Variants in SPATA33 observed in about 807,000 individuals in gnomAD.
SPATA33 encodes the protein spermatogenesis-associated protein 33.
SPATA33 carries 10 observed loss-of-function variants against 8.9 expected under a neutral mutation model. The ratio of observed to expected loss-of-function variants is 1.12; its 90% CI spans 0.69 to 1.90. The LOEUF (loss-of-function observed/expected upper bound fraction) is 1.90. SPATA33 is among the 40% of genes most tolerant of loss of function. The pLI is 0.00. For synonymous variants in SPATA33, 96 were observed against 72.8 expected (o/e 1.32, Z -1.63); for missense variants, 241 against 178.3 (o/e 1.35, Z -2.00).
At chr16:89,665,737 A>G (rs907942316) in intron 2 of SPATA33, among the ~76,000 whole-genome samples, 5 of 152,322 alleles carry the variant, frequency 3.3e-5, no homozygotes, top group East Asian at 1.9e-4. Flanking sequence ...AAGTCAAAAC[A>G]CAAAAGATCT....
chr16:89,659,872 T>C lies in SPATA33; in HGVS notation c.211+1451T>C, dbSNP rs555134724. On this transcript the variant is annotated intron_variant, in intron 2 of 2. Transcript: ENST00000579310. ...CTTGGAAGAAAGACTTGGATTTGAA[T>C]TCCCAACTTTGGAACCTCCCACTGG... 8 of 152,368 alleles carry C rather than the reference T, an allele frequency of 5.3e-5. No homozygotes were observed. The South Asian group carries it at 1.5e-3, about 28-fold the overall frequency. 9.4% of individuals were successfully genotyped at this position (152,368 alleles called of 1,614,324 possible). A position where few individuals can be genotyped will look rare whatever the true frequency, so the allele number is the denominator to read the frequency against.
At chr16:89,666,832 A>G (rs1246809899) in intron 2 of SPATA33, among the ~76,000 whole-genome samples, 1 of 152,188 alleles carries the variant, frequency 6.6e-6, no homozygotes, top group Non-Finnish European at 1.5e-5. Flanking sequence ...GCAGAGAGAG[A>G]GGAGACAGAG....
intron 2 of SPATA33, among the ~76,000 whole-genome samples, chr16:89,664,575 T>A (rs1177371089): frequency 6.7e-6 from 1 of 149,300 alleles, no homozygotes; most frequent in Non-Finnish European, 1.5e-5. Context: ...CCCGACCTGA[T>A]CAGGGAAGCC....
At chr16:89,661,306 T>C in intron 2 of SPATA33, 1 of 705,564 alleles carries the variant, frequency 1.4e-6, no homozygotes, top group Non-Finnish European at 1.7e-6. Context: ...GGCAGGTCTT[T>C]CCTGTGCTGT....
At position 89,658,310 on chromosome 16, in the gene SPATA33, A is replaced by G; in HGVS notation, c.100A>G (p.Lys34Glu). 1 of 1,614,168 alleles carries G rather than the reference A, an allele frequency of 6.2e-7. No homozygotes were observed. Among genetic ancestry groups the G allele is most frequent in the East Asian group, 2.2e-5 (1 of 44,884 alleles). Residue 34 changes from lysine (K) to glutamate (E), a missense_variant, in exon 2 of 3, where the codon AAG becomes GAG. Coordinates refer to ENST00000579310, the MANE Select transcript of SPATA33 (RefSeq NM_001271907.2). ...VPKSKEKLME[K>E]HSQEARQADR... ...AAAATCTAAGGAGAAGTTGATGGAG[A>G]AGCATTCCCAGGAAGCCAGGCAGGC...
intron 2 of SPATA33, among the ~76,000 whole-genome samples, chr16:89,667,516 T>C (rs1488282772): frequency 6.6e-6 from 1 of 152,168 alleles, no homozygotes; most frequent in African/African-American, 2.4e-5. Context: ...CTGGGTGACT[T>C]GCCGCCCACA....
intron 2 of SPATA33, among the ~76,000 whole-genome samples, chr16:89,664,636 C>T (rs1010966900): frequency 7.4e-5 from 11 of 149,450 alleles, no homozygotes; most frequent in Middle Eastern, 7.1e-3. Flanking sequence ...ATCAGGGAAG[C>T]CAGACAGTAA....
chr16:89,664,785 C>G (rs1358481858), intron 2 of SPATA33, among the ~76,000 whole-genome samples: 2 of 152,180 alleles, frequency 1.3e-5, no homozygotes, highest in African/African-American at 4.8e-5. Flanking sequence ...CCAGAATGGG[C>G]TTAGAAGAGG....
intron 2 of SPATA33, chr16:89,667,992 G>A (rs1378162830): frequency 1.3e-5 from 2 of 152,242 alleles, no homozygotes; most frequent in African/African-American, 4.8e-5. Context: ...CACTGTTCTA[G>A]GGCTCAGAAC....
intron 2 of SPATA33, chr16:89,660,279 C>G (rs965646289): frequency 1.0e-5 from 4 of 389,096 alleles, no homozygotes; most frequent in Non-Finnish European, 1.3e-5. Context: ...CCCAGGAAGG[C>G]TTCGCCTGCC....
intron 2 of SPATA33, among the ~76,000 whole-genome samples, chr16:89,666,110 C>G (rs2060022247): frequency 6.6e-6 from 1 of 151,912 alleles, no homozygotes; most frequent in Admixed American, 6.6e-5. Flanking sequence ...AAAATGAAAG[C>G]AGTAGGAAAC....
chr16:89,659,123 A>G, intron 2 of SPATA33: 1 of 148,392 alleles, frequency 6.7e-6, no homozygotes, highest in Non-Finnish European at 1.5e-5. Flanking sequence ...ACATAGTGAG[A>G]CCCTGTCTCT....
chr16:89,669,449 C>T lies in SPATA33; in HGVS notation c.375C>T (p.His125=). The change falls in exon 3 of 3, where the codon CAC becomes CAT. Residue 125 remains histidine (H), a synonymous_variant. Coordinates refer to ENST00000579310, the MANE Select transcript of SPATA33 (RefSeq NM_001271907.2). The stretch of plus-strand genomic sequence containing the variant: ...AGGACTGGGGCCCCTACCGGCGGCA[C>T]AGGAACCCCAGTACAGCAGACGCCT... ...EPEDWGPYRR[H]RNPSTADAYN... 1 of 1,613,776 alleles carries T rather than the reference C, an allele frequency of 6.2e-7. No individual in the cohort carries two copies. The highest frequency in any genetic ancestry group is 8.5e-7 in the Non-Finnish European group (1 of 1,180,024).
In SPATA33 at chr16:89,669,370, T is replaced by C. The variant is rs752009241; in HGVS notation, c.296T>C (p.Leu99Pro). 2.5e-6 allele frequency: 4 copies of C among 1,614,036 alleles called. No individual in the cohort carries two copies. The African/African-American group carries it at 4.0e-5, about 16-fold the overall frequency. Residue 99 changes from leucine to proline, a missense_variant, in exon 3 of 3, where the codon CTA (leucine) becomes CCA (proline). Physicochemically the swap from Leu to Pro is moderately conservative, Grantham distance 98. Coordinates refer to ENST00000579310, the MANE Select transcript of SPATA33 (RefSeq NM_001271907.2). The stretch of plus-strand genomic sequence containing the variant: ...ATCACGCGAGCGTCGAATGAGACGC[T>C]AGTCAGTTGCAGTTCCAGCGGGAGT... ...IIITRASNET[L>P]VSCSSSGSDQ...
intron 2 of SPATA33, chr16:89,659,504 T>C (rs2151524632): frequency 6.6e-6 from 1 of 152,304 alleles, no homozygotes; most frequent in South Asian, 2.1e-4. Flanking sequence ...TGAAACCCTG[T>C]CTCTACTAAA....
intron 2 of SPATA33, chr16:89,660,589 C>A: frequency 8.2e-7 from 1 of 1,215,292 alleles, no homozygotes; most frequent in African/African-American, 1.6e-5. Context: ...CCTTGCCACA[C>A]CGTGAAGGAG....
In SPATA33 at chr16:89,669,587, C is replaced by G. The variant is rs990508321; in HGVS notation, c.*90C>G. 8.2e-6 allele frequency: 11 copies of G among 1,342,050 alleles called. No homozygotes were observed. The highest frequency in any genetic ancestry group is 2.0e-5 in the Admixed American group (1 of 48,804). The allele number at this position is 1,342,050 out of a possible 1,614,324, so 83.1% of individuals were successfully genotyped here. A position where few individuals can be genotyped will look rare whatever the true frequency, so the allele number is the denominator to read the frequency against. ...CCTGTGAGAAGCCGAGGCCCCTTCT[C>G]CAGTGCTCTCGGGGAGGTTGCACCA... On this transcript the variant is annotated 3_prime_UTR_variant, in exon 3 of 3. Transcript: ENST00000579310.
rs758819039 is a variant in SPATA33 at position 89,669,302 on chromosome 16, G to A, written c.228G>A (p.Lys76=). ...TTCCTCTAGAGAAACCTGATGTAAA[G>A]CAAAAGTCCAGCAGGAAGAAAGTGG... is the stretch of plus-strand genomic sequence containing the variant. The part of the protein sequence containing the change: ...AASLEEKPDV[K]QKSSRKKVVV... Residue 76 remains lysine (K), a synonymous_variant, in exon 3 of 3, where the codon AAG becomes AAA. Coordinates refer to ENST00000579310, the MANE Select transcript of SPATA33 (RefSeq NM_001271907.2). 9.9e-6 allele frequency: 16 copies of A among 1,614,166 alleles called. No homozygotes were observed. The African/African-American group carries it at 1.6e-4, about 16-fold the overall frequency.
intron 2 of SPATA33, among the ~76,000 whole-genome samples, chr16:89,668,386 C>T (rs565538349): frequency 2.6e-5 from 4 of 152,230 alleles, no homozygotes; most frequent in South Asian, 4.1e-4. Context: ...CATCCAGGTT[C>T]GTGAGCTACC....
Sources: allele counts gnomAD v4.1 joint callset (sites outside exome capture counted in the v4.1 genomes callset), GRCh38; gene constraint gnomAD v4.1.1; transcripts MANE v1.5; gene names NCBI Gene and HGNC (gene_info 2026-07-23, HGNC 2026-07-21).